CCDC6: variants seen among roughly 807,000 people sequenced by gnomAD.
CCDC6 encodes coiled-coil domain-containing protein 6.
CCDC6 carries 20 observed loss-of-function variants against 56.6 expected under a neutral mutation model. That is an observed-to-expected ratio of 0.35 (90% CI 0.25 to 0.51). CCDC6 has a LOEUF of 0.51. Ranked by LOEUF, CCDC6 falls within the 20% of genes least tolerant of loss-of-function variation. The pLI is 0.95. For missense variants in CCDC6, 367 were observed against 601.1 expected (o/e 0.61, Z 4.07); for synonymous variants, 241 against 234.4 (o/e 1.03, Z -0.26).
In CCDC6 at chr10:59,875,374, T is replaced by C. The variant is rs16914303; in HGVS notation, c.304-22672A>G. On this transcript the variant is annotated intron_variant, in intron 1 of 8. Transcript: ENST00000263102. Reference sequence around the variant, plus strand: ...AGGGTGGCTGTTACAGGGTACTCAGTGACTGAACCAGGAAAGATTTGGGAG... The same window carrying C: ...AGGGTGGCTGTTACAGGGTACTCAGCGACTGAACCAGGAAAGATTTGGGAG... 8.7e-3 allele frequency among the ~76,000 whole-genome samples: 1,332 copies of C among 152,280 alleles called. 44 individuals carry two copies. In the East Asian group the frequency reaches 0.091, roughly 10 times the overall value.
intron 1 of CCDC6, among the ~76,000 whole-genome samples, chr10:59,882,822 T>C (rs1177298172): frequency 1.3e-5 from 2 of 151,968 alleles, no homozygotes; most frequent in Non-Finnish European, 2.9e-5. Flanking sequence ...TAGCCGGGCG[T>C]GGTGGCGCGC....
At chr10:59,833,899 T>C (rs907389179) in intron 2 of CCDC6, among the ~76,000 whole-genome samples, 1 of 152,094 alleles carries the variant, frequency 6.6e-6, no homozygotes, top group Non-Finnish European at 1.5e-5. Flanking sequence ...ACTGAAGCAA[T>C]ACAGCTGGAA....
intron 4 of CCDC6, among the ~76,000 whole-genome samples, chr10:59,813,879 A>T (rs975803186): frequency 6.6e-6 from 1 of 152,198 alleles, no homozygotes; most frequent in African/African-American, 2.4e-5. Flanking sequence ...ACTCAAAACA[A>T]TTACAAATAT....
intron 1 of CCDC6, among the ~76,000 whole-genome samples, chr10:59,895,326 G>T (rs2071454033): frequency 6.6e-6 from 1 of 152,100 alleles, no homozygotes; most frequent in East Asian, 1.9e-4. Context: ...AAACAAAAAG[G>T]CCTGTCCCTA....
chr10:59,896,921 C>G (rs1589065787), intron 1 of CCDC6, among the ~76,000 whole-genome samples: 1 of 149,854 alleles, frequency 6.7e-6, no homozygotes, highest in African/African-American at 2.5e-5. Flanking sequence ...ATATAAACCC[C>G]ATGCATGCAA....
chr10:59,862,528 C>T (rs1280364256), intron 1 of CCDC6, among the ~76,000 whole-genome samples: 4,068 of 88,336 alleles, frequency 0.046, 481 homozygotes, highest in African/African-American at 0.23. Flanking sequence ...CACACACACA[C>T]ACACACACAC....
At chr10:59,830,518 C>T (rs944528154) in intron 3 of CCDC6, among the ~76,000 whole-genome samples, 1 of 152,122 alleles carries the variant, frequency 6.6e-6, no homozygotes, top group South Asian at 2.1e-4. Flanking sequence ...TAAATTTTTC[C>T]ACTTTAATTA....
intron 1 of CCDC6, among the ~76,000 whole-genome samples, chr10:59,855,796 C>T (rs1390516114): frequency 6.6e-6 from 1 of 152,134 alleles, no homozygotes; most frequent in Non-Finnish European, 1.5e-5. Context: ...AAAAAGGACT[C>T]ATAATCAACA....
At chr10:59,902,618 C>T (rs12414601) in intron 1 of CCDC6, among the ~76,000 whole-genome samples, 28,440 of 151,846 alleles carry the variant, frequency 0.19, 2,979 homozygotes, top group African/African-American at 0.27. Context: ...AGGCTGGTCT[C>T]GAACTCTTGA....
intron 3 of CCDC6, among the ~76,000 whole-genome samples, chr10:59,821,015 T>C (rs933756089): frequency 1.3e-5 from 2 of 152,126 alleles, no homozygotes; most frequent in African/African-American, 4.8e-5. Context: ...ATCACTTTAC[T>C]ATGTGATTTC....
At chr10:59,794,812 T>C (rs1177735695) in intron 7 of CCDC6, among the ~76,000 whole-genome samples, 1 of 152,144 alleles carries the variant, frequency 6.6e-6, no homozygotes, top group African/African-American at 2.4e-5. Context: ...CTCACACGTA[T>C]ATGGTCAACT....
chr10:59,825,673 T>C (rs1047968000), intron 3 of CCDC6, among the ~76,000 whole-genome samples: 1 of 152,150 alleles, frequency 6.6e-6, no homozygotes, highest in Non-Finnish European at 1.5e-5. Flanking sequence ...GCATCAGAAT[T>C]GTATGGGAAC....
intron 1 of CCDC6, among the ~76,000 whole-genome samples, chr10:59,875,862 G>A (rs185468144): frequency 3.4e-4 from 51 of 152,132 alleles, no homozygotes; most frequent in Admixed American, 1.6e-3. Context: ...CCCAGCCCAA[G>A]CCTGCCACAT....
intron 2 of CCDC6, among the ~76,000 whole-genome samples, chr10:59,847,182 A>T (rs2070999885): frequency 6.6e-6 from 1 of 152,026 alleles, no homozygotes; most frequent in South Asian, 2.1e-4. Flanking sequence ...GCTCCCAAGT[A>T]GCTGGGACTA....
rs1430020196 is a variant in CCDC6 at position 59,816,604 on chromosome 10, G to A, written c.583-1849C>T. 3.3e-5 allele frequency among the ~76,000 whole-genome samples: 5 copies of A among 152,146 alleles called. No homozygotes were observed. In the East Asian group the frequency reaches 9.6e-4, roughly 29 times the overall value. On this transcript the variant is annotated intron_variant, in intron 3 of 8. Coordinates refer to ENST00000263102, the MANE Select transcript of CCDC6 (RefSeq NM_005436.5). The stretch of plus-strand genomic sequence containing the variant: ...AAGTAAGGGACAAAAATAATGTCTG[G>A]CTCATTGGATTACAGTGAGCATTAC...
chr10:59,844,762 A>G (rs5025287), intron 2 of CCDC6, among the ~76,000 whole-genome samples: 26,758 of 133,520 alleles, frequency 0.2, 3,806 homozygotes, highest in African/African-American at 0.41. Context: ...AAAAAAAAAA[A>G]AGAGAGAGAG....
At chr10:59,905,816 G>A (rs1312977295) in intron 1 of CCDC6, among the ~76,000 whole-genome samples, 1 of 152,098 alleles carries the variant, frequency 6.6e-6, no homozygotes, top group South Asian at 2.1e-4. Flanking sequence ...CAGCCACGCC[G>A]CCAGCCTCCA....
intron 1 of CCDC6, among the ~76,000 whole-genome samples, chr10:59,901,187 G>C (rs2071501681): frequency 6.6e-6 from 1 of 152,222 alleles, no homozygotes; most frequent in South Asian, 2.1e-4. Context: ...AAGAAGACTT[G>C]TGTACAGTTA....
intron 1 of CCDC6, among the ~76,000 whole-genome samples, chr10:59,885,714 C>T (rs2071377766): frequency 6.6e-6 from 1 of 152,038 alleles, no homozygotes; most frequent in Non-Finnish European, 1.5e-5. Flanking sequence ...ATTTTTTTAC[C>T]AATTCTCTTC....
Sources: gnomAD v4.1 joint callset for allele counts (sites outside exome capture counted in the v4.1 genomes callset) on GRCh38, gnomAD v4.1.1 for gene constraint, MANE v1.5 for transcripts, NCBI Gene and HGNC (gene_info 2026-07-23, HGNC 2026-07-21) for gene names.